MPPED2: variants seen among roughly 807,000 people sequenced by gnomAD.
The protein encoded by MPPED2 is metallophosphoesterase MPPED2.
MPPED2 carries 5 observed loss-of-function variants against 33.0 expected under a neutral mutation model. The observed-to-expected ratio is 0.15, with a 90% CI of 0.08 to 0.32. The LOEUF (loss-of-function observed/expected upper bound fraction) is 0.32. Ranked by LOEUF, MPPED2 falls within the 10% of genes least tolerant of loss-of-function variation. The pLI is 1.00. For synonymous variants in MPPED2, 136 were observed against 141.9 expected, an observed-to-expected ratio of 0.96 and a Z score of 0.29; for missense variants, 275 against 372.1, an observed-to-expected ratio of 0.74 and a Z score of 2.15.
At chr11:30,572,184 AAGTCAAGT>A (rs1299105580) in intron 2 of MPPED2, among the ~76,000 whole-genome samples, 1 of 152,180 alleles carries the variant, frequency 6.6e-6, no homozygotes, top group Non-Finnish European at 1.5e-5. Context: ...CCCTCCCAGA[AAGTCAAGT>A]AGCCAACAAA....
intron 2 of MPPED2, among the ~76,000 whole-genome samples, chr11:30,578,883 C>A (rs997950485): frequency 2.6e-5 from 4 of 152,030 alleles, no homozygotes; most frequent in Non-Finnish European, 5.9e-5. Context: ...AAACTTTATC[C>A]ATTTTTCCTT....
At chr11:30,537,822 C>G (rs2134501122) in intron 2 of MPPED2, among the ~76,000 whole-genome samples, 1 of 152,242 alleles carries the variant, frequency 6.6e-6, no homozygotes, top group East Asian at 1.9e-4. Context: ...GTAGAAAATT[C>G]ACTAATCCAC....
chr11:30,411,557 T>C lies in MPPED2; in HGVS notation c.796A>G (p.Thr266Ala), dbSNP rs776117710. Reference protein sequence around the residue: ...GYGIMTDGYTTYINASTCTVS... With the variant: ...GYGIMTDGYTAYINASTCTVS... ...GTACACGTCGAGGCATTGATGTACG[T>C]TGTGTAACCGTCGGTCATGATGCCA... Residue 266 changes from threonine (T) to alanine (A), a missense_variant, in exon 7 of 7, where the codon ACG (threonine) becomes GCG (alanine). By Grantham distance (58) the Thr-to-Ala change is moderately conservative (BLOSUM62 0). Coordinates refer to ENST00000358117, the MANE Select transcript of MPPED2 (RefSeq NM_001584.3). 3.7e-6 allele frequency: 6 copies of C among 1,613,790 alleles called. No homozygotes were observed. Among genetic ancestry groups the C allele is most frequent in the East Asian group, 4.5e-5 (2 of 44,884 alleles).
At chr11:30,488,508 G>A (rs904942888) in intron 4 of MPPED2, among the ~76,000 whole-genome samples, 21 of 152,342 alleles carry the variant, frequency 1.4e-4, no homozygotes, top group African/African-American at 5.1e-4. Flanking sequence ...GGCAGAAAGG[G>A]ACGAGTGAGA....
chr11:30,485,793 C>A (rs536388528), intron 4 of MPPED2, among the ~76,000 whole-genome samples: 4 of 152,310 alleles, frequency 2.6e-5, no homozygotes, highest in Non-Finnish European at 4.4e-5. Context: ...ACAAGCCCGA[C>A]CAAGCCTCCC....
At chr11:30,429,136 A>G (rs978451212) in intron 4 of MPPED2, 9 of 152,206 alleles carry the variant, frequency 5.9e-5, no homozygotes, top group Non-Finnish European at 5.9e-5. Context: ...TATAACCTTG[A>G]ATAAGTACCC....
chr11:30,446,629 GC>G (rs953925364), intron 4 of MPPED2, among the ~76,000 whole-genome samples: 60 of 152,272 alleles, frequency 3.9e-4, no homozygotes, highest in African/African-American at 1.3e-3. Flanking sequence ...TACAGAGCCT[GC>G]TCAGTAAAGC....
At chr11:30,549,083 C>G (rs1453594259) in intron 2 of MPPED2, among the ~76,000 whole-genome samples, 1 of 152,134 alleles carries the variant, frequency 6.6e-6, no homozygotes, top group Non-Finnish European at 1.5e-5. Context: ...AAAGTACAAA[C>G]CACATTTTAT....
chr11:30,535,190 T>C (rs1028444099), intron 3 of MPPED2, among the ~76,000 whole-genome samples: 12 of 152,200 alleles, frequency 7.9e-5, no homozygotes, highest in Admixed American at 3.9e-4. Context: ...GTTGTAATGT[T>C]TTTGCCTAAA....
At chr11:30,532,399 G>A (rs1413089059) in intron 3 of MPPED2, among the ~76,000 whole-genome samples, 1 of 151,922 alleles carries the variant, frequency 6.6e-6, no homozygotes, top group Non-Finnish European at 1.5e-5. Flanking sequence ...ATACATTTTG[G>A]TGCTCCCTCT....
At chr11:30,448,881 C>T (rs547581572) in intron 4 of MPPED2, among the ~76,000 whole-genome samples, 147 of 151,898 alleles carry the variant, frequency 9.7e-4, no homozygotes, top group Middle Eastern at 3.5e-3. Flanking sequence ...CTCGAACTCC[C>T]GACCTCAGGT....
chr11:30,434,210 C>G (rs1405726465), intron 4 of MPPED2, among the ~76,000 whole-genome samples: 2 of 152,178 alleles, frequency 1.3e-5, no homozygotes, highest in African/African-American at 4.8e-5. Flanking sequence ...AGGATGTGGA[C>G]ATCTTTAGGG....
intron 4 of MPPED2, among the ~76,000 whole-genome samples, chr11:30,474,034 T>A (rs2134078304): frequency 6.6e-6 from 1 of 152,358 alleles, no homozygotes; most frequent in Admixed American, 6.5e-5. Flanking sequence ...GCACCTTGGT[T>A]CCTGACCCAC....
chr11:30,485,744 C>T lies in MPPED2; in HGVS notation c.536+9552G>A, dbSNP rs574449220. ...TGGAGAACAGTTTCAACAAAGCCTT[C>T]GCCATCAGAGGGGATGTCCCTAGGC... is the stretch of plus-strand genomic sequence containing the variant. On this transcript the variant is annotated intron_variant, in intron 4 of 6. Transcript: ENST00000358117. 3.9e-5 allele frequency among the ~76,000 whole-genome samples: 6 copies of T among 152,248 alleles called. No homozygotes were observed. The South Asian group carries it at 8.3e-4, about 21-fold the overall frequency.
chr11:30,549,503 T>C (rs1407358561), intron 2 of MPPED2, among the ~76,000 whole-genome samples: 2 of 152,204 alleles, frequency 1.3e-5, no homozygotes, highest in Non-Finnish European at 1.5e-5. Context: ...CCACTATCTA[T>C]ACATATGAGT....
At chr11:30,387,339 T>G (rs1947715641) in exon 7 of MPPED2, 1 of 152,248 alleles carries the variant, frequency 6.6e-6, no homozygotes, top group African/African-American at 2.4e-5. Context: ...ACGTTTCATT[T>G]CTTTGAAACA....
intron 2 of MPPED2, among the ~76,000 whole-genome samples, chr11:30,573,609 AT>A (rs1956798512): frequency 6.6e-6 from 1 of 152,112 alleles, no homozygotes; most frequent in Admixed American, 6.5e-5. Flanking sequence ...AATATGAATG[AT>A]CCTGACCCTA....
At chr11:30,584,822 A>G (rs1166218456) in intron 1 of MPPED2, 1 of 152,226 alleles carries the variant, frequency 6.6e-6, no homozygotes. Context: ...GGAGCCAGCG[A>G]GCGTTGGAAG....
chr11:30,396,787 G>C (rs1162851314), intron 6 of MPPED2, among the ~76,000 whole-genome samples: 1 of 151,994 alleles, frequency 6.6e-6, no homozygotes, highest in African/African-American at 2.4e-5. Context: ...AAATAGAAAG[G>C]GAAAGTAAAA....
Sources: allele counts gnomAD v4.1 joint callset (sites outside exome capture counted in the v4.1 genomes callset), GRCh38; gene constraint gnomAD v4.1.1; transcripts MANE v1.5; gene names NCBI Gene and HGNC (gene_info 2026-07-23, HGNC 2026-07-21).